DEGS1: variants seen among roughly 807,000 people sequenced by gnomAD.
The protein encoded by DEGS1 is sphingolipid delta(4)-desaturase DES1.
A neutral mutation model predicts 24.1 loss-of-function variants in DEGS1; 17 were observed. The observed-to-expected ratio is 0.70, with a 90% CI of 0.48 to 1.06. DEGS1 has a LOEUF of 1.06. Among genes scored for constraint, DEGS1 ranks in the 50% least tolerant of loss-of-function variants. DEGS1 has a pLI of 0.00. For missense variants in DEGS1, 366 were observed against 408.9 expected (o/e 0.90, Z 0.91); for synonymous variants, 134 against 140.0 (o/e 0.96, Z 0.30).
At chr1:224,183,544 G>C (rs1409242252) in intron 1 of DEGS1, 126 bp downstream of exon 1, 3 of 702,666 alleles carry the variant, frequency 4.3e-6, no homozygotes, top group African/African-American at 1.9e-5. Context: ...TCCCCGTCGC[G>C]TCCCGTCGCC....
At chr1:224,190,650 C>T (rs988279629) in intron 2 of DEGS1, among the ~76,000 whole-genome samples, 1 of 151,550 alleles carries the variant, frequency 6.6e-6, no homozygotes, top group Non-Finnish European at 1.5e-5. Flanking sequence ...CATCTTCCAG[C>T]CTACTTTTAC....
chr1:224,189,872 G>T lies in DEGS1; in HGVS notation c.378G>T (p.Arg126Ser), dbSNP rs1658489341. The change falls in exon 2 of 3, where the codon AGG becomes AGT. Residue 126 changes from arginine to serine, a missense_variant. Physicochemically the swap from Arg to Ser is moderately radical, Grantham distance 110. Coordinates refer to ENST00000323699, the MANE Select transcript of DEGS1 (RefSeq NM_003676.4). The part of the protein sequence containing the change: ...IGIPYSISFK[R>S]YHMDHHRYLG... ...TTCCATATTCAATTTCCTTTAAGAGGTATCACATGGATCATCATCGGTACC... is the reference window on the plus strand; with the variant it reads ...TTCCATATTCAATTTCCTTTAAGAGTTATCACATGGATCATCATCGGTACC... The T allele has an allele frequency of 1.9e-6, 3 of 1,614,012 alleles. No homozygotes were observed. The South Asian group carries it at 3.3e-5, about 18-fold the overall frequency.
intron 2 of DEGS1, among the ~76,000 whole-genome samples, chr1:224,190,856 A>G (rs897954449): frequency 1.3e-5 from 2 of 151,838 alleles, no homozygotes; most frequent in African/African-American, 4.8e-5. Flanking sequence ...CTGAGTAGGC[A>G]GGATTATAGG....
intron 2 of DEGS1, among the ~76,000 whole-genome samples, chr1:224,191,784 A>G (rs1490491110): frequency 4.0e-5 from 6 of 151,730 alleles, no homozygotes; most frequent in African/African-American, 1.2e-4. Flanking sequence ...TTTAGTAGAG[A>G]TGGGGTTTCA....
intron 1 of DEGS1, chr1:224,183,649 C>G (rs1337710961): frequency 3.1e-6 from 1 of 327,688 alleles, no homozygotes; most frequent in African/African-American, 2.2e-5. Context: ...CCGACCCTTC[C>G]GCGAAGAGGC....
In DEGS1 at chr1:224,184,970, TACACACACACACAC is replaced by T. The variant is rs58790626; in HGVS notation, c.82+1575_82+1588del. Among the ~76,000 whole-genome samples the T allele has an allele frequency of 3.7e-3, 555 of 148,686 alleles. 3 individuals are homozygous for T. The highest frequency in any genetic ancestry group is 0.011 in the African/African-American group (464 of 40,356). On this transcript the variant is annotated intron_variant, in intron 1 of 2. Transcript: ENST00000323699. ...AGTAACATAGTGAGAGCCCCCCGTT[TACACACACACACAC>T]ACACACACACACACACACACACTTT...
rs1273116884 is a variant in DEGS1 at position 224,192,331 on chromosome 1, G to C, written c.826-1G>C. 2 of 1,607,478 alleles carry C rather than the reference G, an allele frequency of 1.2e-6. No homozygotes were observed. The highest frequency in any genetic ancestry group is 2.2e-5 in the East Asian group (1 of 44,714). On this transcript the variant is annotated splice_acceptor_variant, in intron 2 of 2. Coordinates refer to ENST00000323699, the MANE Select transcript of DEGS1 (RefSeq NM_003676.4). LOFTEE classifies it high-confidence loss of function. The stretch of plus-strand genomic sequence containing the variant: ...ATCTTGCTGTATTTTTTCCCTTCTA[G>C]GTGAGGAAAATAGCAGCTGAATACT...
chr1:224,185,174 T>G (rs1658348223), intron 1 of DEGS1, among the ~76,000 whole-genome samples: 1 of 152,168 alleles, frequency 6.6e-6, no homozygotes, highest in African/African-American at 2.4e-5. Context: ...CTATTTTTTG[T>G]AGAGATGGGT....
Position 224,183,242 on chromosome 1 carries a change from C to G in DEGS1, c.-95C>G, listed in dbSNP as rs1658277900. The G allele has an allele frequency of 8.5e-7, 1 of 1,178,736 alleles. No individual in the cohort carries two copies. Among genetic ancestry groups the G allele is most frequent in the Admixed American group, 3.0e-5 (1 of 32,848 alleles). The allele number at this position is 1,178,736 out of a possible 1,614,324, so 73.0% of individuals were successfully genotyped here. On this transcript the variant is annotated 5_prime_UTR_variant, in exon 1 of 3. Transcript: ENST00000323699. ...GCGCTCCGCCACAGCCGGCCGACAC[C>G]ACACCAGCCGGGGAGCCGCCGCCGC...
At chr1:224,187,708 A>T (rs1459633119) in intron 1 of DEGS1, among the ~76,000 whole-genome samples, 1 of 152,106 alleles carries the variant, frequency 6.6e-6, no homozygotes, top group African/African-American at 2.4e-5. Flanking sequence ...TTTAAAGTGT[A>T]CAGTTCAGTA....
At chr1:224,183,484 C>G in intron 1 of DEGS1, 66 bp downstream of exon 1, 4 of 1,207,464 alleles carry the variant, frequency 3.3e-6, no homozygotes, top group Non-Finnish European at 4.2e-6. Context: ...GCGCTCTCCC[C>G]TCGCGGGCCC....
In DEGS1 at chr1:224,190,081, T is replaced by C. The variant is rs1460177554; in HGVS notation, c.587T>C (p.Phe196Ser). ...EVINTVAQVT[F>S]DILIYYFLGI... ...ATCAATACCGTGGCACAGGTCACTTTTGACATTTTAATTTATTACTTTTTG... is the reference window on the plus strand; with the variant it reads ...ATCAATACCGTGGCACAGGTCACTTCTGACATTTTAATTTATTACTTTTTG... The change falls in exon 2 of 3, where the codon TTT (phenylalanine) becomes TCT (serine). Residue 196 changes from phenylalanine to serine, a missense_variant. Transcript: ENST00000323699. 4 of 1,613,952 alleles carry C rather than the reference T, an allele frequency of 2.5e-6. No individual in the cohort carries two copies. Among genetic ancestry groups the C allele is most frequent in the Non-Finnish European group, 3.4e-6 (4 of 1,179,998 alleles).
Position 224,189,896 on chromosome 1 carries a change from C to T in DEGS1, c.402C>T (p.Tyr134=). 6.2e-7 allele frequency: 1 copy of T among 1,614,186 alleles called. No homozygotes were observed. The highest frequency in any genetic ancestry group is 1.3e-5 in the African/African-American group (1 of 75,048). Reference sequence around the variant, plus strand: ...GGTATCACATGGATCATCATCGGTACCTTGGAGCTGATGGCGTCGATGTAG... The same window carrying T: ...GGTATCACATGGATCATCATCGGTATCTTGGAGCTGATGGCGTCGATGTAG... ...FKRYHMDHHR[Y]LGADGVDVDI... is the part of the protein sequence containing the mutation. Residue 134 remains tyrosine, a synonymous_variant, in exon 2 of 3, where the codon TAC becomes TAT. Transcript: ENST00000323699.
At chr1:224,190,777 G>C (rs1428543589) in intron 2 of DEGS1, among the ~76,000 whole-genome samples, 1 of 151,828 alleles carries the variant, frequency 6.6e-6, no homozygotes, top group Non-Finnish European at 1.5e-5. Context: ...ACCTAGTCTA[G>C]AGTGCAGTGG....
At chr1:224,192,308 C>T in intron 2 of DEGS1, 24 bp from the exon 3 acceptor site, 1 of 1,595,954 alleles carries the variant, frequency 6.3e-7, no homozygotes, top group South Asian at 1.1e-5. Flanking sequence ...CATTTTTCAT[C>T]TTGCTGTATT....
In DEGS1 at chr1:224,189,816, T is replaced by C. The variant is rs759743415; in HGVS notation, c.322T>C (p.Phe108Leu). 6.2e-7 allele frequency: 1 copy of C among 1,614,222 alleles called. No individual in the cohort carries two copies. The highest frequency in any genetic ancestry group is 2.2e-5 in the East Asian group (1 of 44,886). The change falls in exon 2 of 3, where the codon TTT becomes CTT. Residue 108 changes from phenylalanine to leucine, a missense_variant. Physicochemically the swap from Phe to Leu is conservative, Grantham distance 22. Coordinates refer to ENST00000323699, the MANE Select transcript of DEGS1 (RefSeq NM_003676.4). ...GNCKAMWNRW[F>L]GMFANLPIGI... The stretch of plus-strand genomic sequence containing the variant: ...CTGCAAAGCAATGTGGAATCGCTGG[T>C]TTGGAATGTTTGCTAATCTTCCTAT...
Position 224,189,768 on chromosome 1 carries a change from G to A in DEGS1, c.274G>A (p.Ala92Thr), listed in dbSNP as rs1426603302. The A allele has an allele frequency of 6.2e-7, 1 of 1,614,146 alleles. No homozygotes were observed. The highest frequency in any genetic ancestry group is 2.2e-5 in the East Asian group (1 of 44,882). ...AATGACTCTGGCTATTCATGAGATT[G>A]CCCACAATGCTGCCTTTGGCAACTG... ...HSMTLAIHEI[A>T]HNAAFGNCKA... Residue 92 changes from alanine (A) to threonine (T), a missense_variant, in exon 2 of 3, where the codon GCC (alanine) becomes ACC (threonine). Transcript: ENST00000323699.
chr1:224,190,039 T>C lies in DEGS1; in HGVS notation c.545T>C (p.Ile182Thr). Residue 182 changes from isoleucine to threonine, a missense_variant, in exon 2 of 3, where the codon ATT becomes ACT. Ile to Thr is a moderately conservative substitution (Grantham distance 89). Coordinates refer to ENST00000323699, the MANE Select transcript of DEGS1 (RefSeq NM_003676.4). ...FRPLFINPKP[I>T]TYLEVINTVA... ...CCTCTGTTCATCAACCCCAAACCAA[T>C]TACGTATCTGGAAGTTATCAATACC... The C allele has an allele frequency of 2.5e-6, 4 of 1,614,204 alleles. No homozygotes were observed. Among genetic ancestry groups the C allele is most frequent in the Non-Finnish European group, 3.4e-6 (4 of 1,180,030 alleles).
chr1:224,191,590 C>CTTTTTTT lies in DEGS1; in HGVS notation c.826-724_826-718dup, dbSNP rs748181749. Among the ~76,000 whole-genome samples, 13 of 53,324 alleles carry CTTTTTTT rather than the reference C, an allele frequency of 2.4e-4. 1 individual carries two copies. The highest frequency in any genetic ancestry group is 6.7e-4 in the East Asian group (1 of 1,502). The allele number at this position is 53,324 out of a possible 152,430, so 35.0% of individuals were successfully genotyped here. A position where few individuals can be genotyped will look rare whatever the true frequency, so the allele number is the denominator to read the frequency against. ...GGCAGAATTGCACATTTGATAAGTGCTTTTTTTTTTTTTTTTTTTTTTTTG... is the reference window on the plus strand; with the variant it reads ...GGCAGAATTGCACATTTGATAAGTGCTTTTTTTTTTTTTTTTTTTTTTTTTTTTTTTG... On this transcript the variant is annotated intron_variant, in intron 2 of 2. Transcript: ENST00000323699.
Sources: allele counts gnomAD v4.1 joint callset (sites outside exome capture counted in the v4.1 genomes callset), GRCh38; gene constraint gnomAD v4.1.1; transcripts MANE v1.5; gene names NCBI Gene and HGNC (gene_info 2026-07-23, HGNC 2026-07-21).